SEMA3D: variants seen among roughly 807,000 people sequenced by gnomAD.
The protein encoded by SEMA3D is semaphorin-3D.
SEMA3D carries 84 observed loss-of-function variants against 100.1 expected under a neutral mutation model. The observed-to-expected ratio is 0.84, with a 90% CI of 0.70 to 1.01. SEMA3D has a LOEUF of 1.01. Among genes scored for constraint, SEMA3D ranks in the 50% least tolerant of loss-of-function variants. The pLI is 0.00. For missense variants in SEMA3D, 875 were observed against 934.1 expected (o/e 0.94, Z 0.82); for synonymous variants, 312 against 320.7 (o/e 0.97, Z 0.29).
chr7:85,012,323 T>G (rs1401533789), intron 17 of SEMA3D, among the ~76,000 whole-genome samples: 2 of 151,762 alleles, frequency 1.3e-5, no homozygotes, highest in African/African-American at 2.4e-5. Flanking sequence ...AAATATTTAT[T>G]GATTAAGTGA....
At chr7:85,247,735 A>G in the SEMA3D span, among the ~76,000 whole-genome samples, 1 of 152,150 alleles carries the variant, frequency 6.6e-6, no homozygotes, top group African/African-American at 2.4e-5. Context: ...GAGCCAAGAA[A>G]TAAACCCACA....
rs1377396484 is a variant in SEMA3D, at chr7:85,022,745, CAT to C, written c.1192-134_1192-133del. Reference sequence around the variant, plus strand: ...ATGGACAACAGAGTCAATATGGAATCATGTGTACTTGTAAATAAATGCAGCGT... The same window carrying C: ...ATGGACAACAGAGTCAATATGGAATCGTGTACTTGTAAATAAATGCAGCGT... On this transcript the variant is annotated intron_variant, in intron 12 of 18. Transcript: ENST00000284136. 7 of 634,532 alleles carry C rather than the reference CAT, an allele frequency of 1.1e-5. No individual in the cohort carries two copies. The East Asian group carries it at 1.6e-4, about 15-fold the overall frequency. The allele number at this position is 634,532 out of a possible 1,614,324, so 39.3% of individuals were successfully genotyped here. A position where few individuals can be genotyped will look rare whatever the true frequency, so the allele number is the denominator to read the frequency against.
chr7:85,217,388 G>A, the SEMA3D span, among the ~76,000 whole-genome samples: 1 of 152,160 alleles, frequency 6.6e-6, no homozygotes, highest in Admixed American at 6.6e-5. Flanking sequence ...ATAAAGGTGA[G>A]TGATAGAAAT....
chr7:85,117,527 C>T (rs1045990146), intron 3 of SEMA3D, among the ~76,000 whole-genome samples: 7 of 152,002 alleles, frequency 4.6e-5, no homozygotes, highest in Admixed American at 2.0e-4. Flanking sequence ...TCCTATAAGC[C>T]CAGCATTTTG....
At chr7:85,023,626 C>A (rs1256110357) in intron 12 of SEMA3D, among the ~76,000 whole-genome samples, 2 of 151,780 alleles carry the variant, frequency 1.3e-5, no homozygotes, top group East Asian at 3.9e-4. Context: ...TGGAAACAGT[C>A]TCCATGGAAC....
At chr7:85,151,642 G>A (rs1388879113) in intron 2 of SEMA3D, 1 of 957,204 alleles carries the variant, frequency 1.0e-6, no homozygotes, top group Non-Finnish European at 1.2e-6. Flanking sequence ...ATCAAGGTAT[G>A]CAATTCTCAG....
the SEMA3D span, among the ~76,000 whole-genome samples, chr7:85,208,648 C>G: frequency 6.6e-6 from 1 of 151,898 alleles, no homozygotes; most frequent in Non-Finnish European, 1.5e-5. Context: ...GGAGAAGCAG[C>G]ACTAGTAACT....
chr7:85,051,790 C>T (rs1791173149), intron 9 of SEMA3D, among the ~76,000 whole-genome samples: 1 of 151,890 alleles, frequency 6.6e-6, no homozygotes, highest in Non-Finnish European at 1.5e-5. Context: ...AAATATATCT[C>T]TTTGCACATG....
chr7:85,092,864 C>T (rs1019086096), intron 4 of SEMA3D, among the ~76,000 whole-genome samples: 2 of 151,946 alleles, frequency 1.3e-5, no homozygotes, highest in African/African-American at 2.4e-5. Context: ...AAAACTTTTG[C>T]AGAGGCAAAT....
At chr7:85,102,980 C>A (rs1445972664) in intron 3 of SEMA3D, among the ~76,000 whole-genome samples, 1 of 151,988 alleles carries the variant, frequency 6.6e-6, no homozygotes, top group African/African-American at 2.4e-5. Context: ...ACAATGCTAG[C>A]AGCAAAACGA....
chr7:85,139,222 C>T (rs1789971426), intron 2 of SEMA3D, among the ~76,000 whole-genome samples: 1 of 151,966 alleles, frequency 6.6e-6, no homozygotes, highest in Non-Finnish European at 1.5e-5. Context: ...ATATGTAAGA[C>T]TCTGGATTCC....
In SEMA3D at chr7:85,174,711, C is replaced by A. The variant is rs1002104998; in HGVS notation, c.-173+11967G>T. ...GTGGGTAGATTTTGAATGAAAAAAT[C>A]TTTTCCAGGTAAGATTAAGTGGGTG... On this transcript the variant is annotated intron_variant, in intron 1 of 18. Transcript: ENST00000284136. Among the ~76,000 whole-genome samples the A allele has an allele frequency of 5.3e-5, 8 of 152,046 alleles. 1 individual carries two copies. The highest frequency in any genetic ancestry group is 2.6e-4 in the Admixed American group (4 of 15,240).
chr7:85,063,352 A>T (rs1437837770), intron 8 of SEMA3D, among the ~76,000 whole-genome samples: 1 of 152,204 alleles, frequency 6.6e-6, no homozygotes, highest in Non-Finnish European at 1.5e-5. Context: ...TTAACTGCTA[A>T]GCAGTCTGCC....
chr7:85,244,639 A>C, the SEMA3D span, among the ~76,000 whole-genome samples: 1 of 151,938 alleles, frequency 6.6e-6, no homozygotes, highest in African/African-American at 2.4e-5. Flanking sequence ...TAGAGGGGTA[A>C]TATTTTTATG....
intron 6 of SEMA3D, among the ~76,000 whole-genome samples, chr7:85,070,448 T>C (rs779487011): frequency 5.9e-5 from 9 of 152,208 alleles, no homozygotes; most frequent in Non-Finnish European, 2.9e-5. Context: ...TATACCTTTT[T>C]CCGCTCCTTT....
chr7:85,109,842 T>C (rs1362900723), intron 3 of SEMA3D, among the ~76,000 whole-genome samples: 2 of 151,980 alleles, frequency 1.3e-5, no homozygotes, highest in Non-Finnish European at 2.9e-5. Flanking sequence ...AATTATGAAA[T>C]GAGCAGTTGC....
chr7:85,107,375 C>T (rs1688513231), intron 3 of SEMA3D, among the ~76,000 whole-genome samples: 1 of 152,046 alleles, frequency 6.6e-6, no homozygotes, highest in African/African-American at 2.4e-5. Context: ...CATACACTTT[C>T]AAGAGGGAAA....
At chr7:85,042,528 G>T (rs1790892707) in intron 9 of SEMA3D, among the ~76,000 whole-genome samples, 1 of 152,106 alleles carries the variant, frequency 6.6e-6, no homozygotes, top group African/African-American at 2.4e-5. Flanking sequence ...ATGAGTAGAT[G>T]CATACAAGGC....
At chr7:85,049,046 T>A (rs946352094) in intron 9 of SEMA3D, among the ~76,000 whole-genome samples, 2 of 151,764 alleles carry the variant, frequency 1.3e-5, no homozygotes. Context: ...ATACTTAGGA[T>A]TCCCCCCAAA....
Sources: gnomAD v4.1 joint callset for allele counts (sites outside exome capture counted in the v4.1 genomes callset) on GRCh38, gnomAD v4.1.1 for gene constraint, MANE v1.5 for transcripts, NCBI Gene and HGNC (gene_info 2026-07-23, HGNC 2026-07-21) for gene names.